PCDHGA11: variants seen among roughly 807,000 people sequenced by gnomAD.
PCDHGA11 encodes protocadherin gamma-A11.
A neutral mutation model predicts 60.4 loss-of-function variants in PCDHGA11; 39 were observed. The observed-to-expected ratio is 0.65, with a 90% CI of 0.50 to 0.84. PCDHGA11 has a LOEUF of 0.84. Ranked by LOEUF, PCDHGA11 falls within the 40% of genes least tolerant of loss-of-function variation. The probability of loss-of-function intolerance (pLI) is 0.00; values close to 1 mark genes in which losing one functional copy is unlikely to be tolerated. For missense variants in PCDHGA11, 1,165 were observed against 1,197.7 expected (o/e 0.97, Z 0.40); for synonymous variants, 533 against 510.3 (o/e 1.04, Z -0.60).
Position 141,489,510 on chromosome 5 carries a change from T to A in PCDHGA11, c.2434-5297T>A, listed in dbSNP as rs762210983. 1 of 1,614,124 alleles carries A rather than the reference T, an allele frequency of 6.2e-7. No individual in the cohort carries two copies. The highest frequency in any genetic ancestry group is 1.7e-5 in the Admixed American group (1 of 60,022). On this transcript the variant is annotated intron_variant, in intron 1 of 3. Transcript: ENST00000398587. This position sits in a 1 kb window ranked among gnomAD's most constrained non-coding sequence, Gnocchi z 4.5. Reference sequence around the variant, plus strand: ...GTGCCCTGGCAGTGAATCAAAAGATTGACCGAGAAAGCCTATGTGGAGCCA... The same window carrying A: ...GTGCCCTGGCAGTGAATCAAAAGATAGACCGAGAAAGCCTATGTGGAGCCA...
rs960627405 is a variant in PCDHGA11, at chr5:141,421,384, C to T, written c.157C>T (p.Leu53=). The T allele has an allele frequency of 3.1e-6, 5 of 1,613,928 alleles. No homozygotes were observed. The highest frequency in any genetic ancestry group is 4.2e-6 in the Non-Finnish European group (5 of 1,179,918). Residue 53 remains leucine, a synonymous_variant, in exon 1 of 4, where the codon CTG becomes TTG. Coordinates refer to ENST00000398587, the MANE Select transcript of PCDHGA11 (RefSeq NM_018914.3). ...GSFVGNISKD[L]GLEPRELAKR... ...CTTCGTGGGCAATATCTCCAAGGACCTGGGGCTGGAGCCCCGGGAGCTGGC... is the reference window on the plus strand; with the variant it reads ...CTTCGTGGGCAATATCTCCAAGGACTTGGGGCTGGAGCCCCGGGAGCTGGC...
chr5:141,454,232 G>T (rs2098784520), intron 1 of PCDHGA11, among the ~76,000 whole-genome samples: 1 of 152,146 alleles, frequency 6.6e-6, no homozygotes, highest in African/African-American at 2.4e-5. Context: ...TAATTGTGAT[G>T]AAAAGGATGA....
At chr5:141,482,667 G>C (rs2099569914) in intron 1 of PCDHGA11, among the ~76,000 whole-genome samples, 1 of 151,094 alleles carries the variant, frequency 6.6e-6, no homozygotes, top group Admixed American at 6.6e-5. Context: ...ATGATCTAAA[G>C]GTTGAGTAGT....
chr5:141,451,205 C>G (rs1023049434), intron 1 of PCDHGA11, among the ~76,000 whole-genome samples: 2 of 152,142 alleles, frequency 1.3e-5, no homozygotes, highest in African/African-American at 4.8e-5. Flanking sequence ...TATCCCAAAA[C>G]TTAGTGGCTT....
At chr5:141,496,838 T>C (rs182118142) in intron 2 of PCDHGA11, among the ~76,000 whole-genome samples, 39 of 150,790 alleles carry the variant, frequency 2.6e-4, no homozygotes, top group African/African-American at 8.3e-4. Flanking sequence ...CCAGAACTCA[T>C]AGGCTTCCAG....
intron 3 of PCDHGA11, among the ~76,000 whole-genome samples, chr5:141,506,781 T>C (rs965408564): frequency 1.4e-4 from 22 of 152,168 alleles, no homozygotes; most frequent in African/African-American, 5.3e-4. Context: ...CCTGGGCTTA[T>C]AAGGAGGCTG....
At chr5:141,494,776 C>T in intron 1 of PCDHGA11, 31 bp from the exon 2 acceptor site, 1 of 1,614,100 alleles carries the variant, frequency 6.2e-7, no homozygotes, top group East Asian at 2.2e-5. Context: ...CTCACGGGTA[C>T]TCAGCCCCTT....
chr5:141,470,369 T>C (rs751264270), intron 1 of PCDHGA11, among the ~76,000 whole-genome samples: 2 of 152,226 alleles, frequency 1.3e-5, no homozygotes, highest in Non-Finnish European at 1.5e-5. Context: ...TTAGGTTGAA[T>C]GGAAAGACTA....
rs1446432461 is a variant in PCDHGA11, at chr5:141,511,005, C to G, written c.2640C>G (p.Ala880=). 6.2e-7 allele frequency: 1 copy of G among 1,614,176 alleles called. No individual in the cohort carries two copies. Among genetic ancestry groups the G allele is most frequent in the Middle Eastern group, 1.6e-4 (1 of 6,062 alleles). ...GGGAGTMGLS[A]RYGPQFTLQH... is the part of the protein sequence containing the mutation. ...GTGCCGGCACCATGGGATTGAGCGC[C>G]CGCTACGGACCCCAGTTCACCCTGC... Residue 880 remains alanine, a synonymous_variant, in exon 4 of 4, where the codon GCC becomes GCG. Coordinates refer to ENST00000398587, the MANE Select transcript of PCDHGA11 (RefSeq NM_018914.3).
At chr5:141,452,193 GT>G (rs1375451557) in intron 1 of PCDHGA11, among the ~76,000 whole-genome samples, 1 of 151,990 alleles carries the variant, frequency 6.6e-6, no homozygotes, top group Non-Finnish European at 1.5e-5. Context: ...ACCTCAAATT[GT>G]TTTAGATGTT....
At chr5:141,469,780 G>A (rs775691161) in intron 1 of PCDHGA11, among the ~76,000 whole-genome samples, 12 of 152,080 alleles carry the variant, frequency 7.9e-5, no homozygotes, top group Non-Finnish European at 1.8e-4. Context: ...ATTTATTACA[G>A]CGTTATTTGT....
At chr5:141,450,292 C>T (rs1310226132) in intron 1 of PCDHGA11, among the ~76,000 whole-genome samples, 2 of 152,066 alleles carry the variant, frequency 1.3e-5, no homozygotes, top group African/African-American at 2.4e-5. Context: ...GGATTACAGG[C>T]GTGAGCCACC....
At chr5:141,488,578 G>A (rs1286219713) in intron 1 of PCDHGA11, among the ~76,000 whole-genome samples, 2 of 152,178 alleles carry the variant, frequency 1.3e-5, no homozygotes, top group Non-Finnish European at 2.9e-5. Flanking sequence ...AGCATTGCTG[G>A]AGAGTCAGGG....
rs138031063 is a variant in PCDHGA11 at position 141,447,985 on chromosome 5, C to T, written c.2433+24325C>T. Among the ~76,000 whole-genome samples the T allele has an allele frequency of 3.9e-3, 591 of 152,010 alleles. 6 individuals are homozygous for T. The highest frequency in any genetic ancestry group is 0.011 in the Admixed American group (170 of 15,260). On this transcript the variant is annotated intron_variant, in intron 1 of 3. Transcript: ENST00000398587. ...CCTATAATCCCAGCTACTCGGGAGG[C>T]TGAGGCATGAGAATCGCTTGAACCC...
At chr5:141,427,883 C>T (rs2097084423) in intron 1 of PCDHGA11, 2 of 1,563,700 alleles carry the variant, frequency 1.3e-6, no homozygotes, top group African/African-American at 1.3e-5. Context: ...TGCAGGCCCA[C>T]GACCAGGGCT....
At position 141,489,068 on chromosome 5, in the gene PCDHGA11, G is replaced by GGCCCC; in HGVS notation, c.2434-5739_2434-5738insGCCCC. On this transcript the variant is annotated intron_variant, in intron 1 of 3. Coordinates refer to ENST00000398587, the MANE Select transcript of PCDHGA11 (RefSeq NM_018914.3). This position sits in a 1 kb window ranked among gnomAD's most constrained non-coding sequence, Gnocchi z 4.5. ...CTCAAATTCAGCTCCCCTCCCCCCT[G>GGCCCC]CCCACCCCCGCCACTCGGTGACTAA... 3.4e-6 allele frequency: 1 copy of GGCCCC among 291,558 alleles called. No individual in the cohort carries two copies. 18.1% of individuals were successfully genotyped at this position (291,558 alleles called of 1,614,324 possible). A position where few individuals can be genotyped will look rare whatever the true frequency, so the allele number is the denominator to read the frequency against.
chr5:141,426,437 C>T (rs914971616), intron 1 of PCDHGA11: 6 of 300,546 alleles, frequency 2.0e-5, no homozygotes, highest in South Asian at 6.4e-5. Flanking sequence ...GGGAACCTTG[C>T]GGAGGACATG....
Position 141,450,758 on chromosome 5 carries a change from A to C in PCDHGA11, c.2433+27098A>C, listed in dbSNP as rs1007910264. On this transcript the variant is annotated intron_variant, in intron 1 of 3. Transcript: ENST00000398587. ...CGCCTTGGCCTCCCAAAGTGCCGGGATTACAGGCATGAGCCACCGTGCCCG... is the reference window on the plus strand; with the variant it reads ...CGCCTTGGCCTCCCAAAGTGCCGGGCTTACAGGCATGAGCCACCGTGCCCG... Among the ~76,000 whole-genome samples the C allele has an allele frequency of 5.3e-5, 8 of 151,784 alleles. No individual in the cohort carries two copies. In the East Asian group the frequency reaches 1.4e-3, roughly 26 times the overall value.
At chr5:141,473,682 G>A (rs2099326903) in intron 1 of PCDHGA11, among the ~76,000 whole-genome samples, 1 of 152,186 alleles carries the variant, frequency 6.6e-6, no homozygotes, top group Admixed American at 6.5e-5. Context: ...GGGAAGGGCT[G>A]GGGTTCTGAC....
Sources: allele counts gnomAD v4.1 joint callset (sites outside exome capture counted in the v4.1 genomes callset), GRCh38; gene constraint gnomAD v4.1.1; non-coding constraint Gnocchi (gnomAD v3.1); transcripts MANE v1.5; gene names NCBI Gene and HGNC (gene_info 2026-07-23, HGNC 2026-07-21).